The following ATP2A1 variants were observed in gnomAD, a reference collection of about 807,000 sequenced individuals.
ATP2A1 encodes the protein ATPase sarcoplasmic/endoplasmic reticulum Ca2+ transporting 1, also known as sarcoplasmic/endoplasmic reticulum calcium ATPase 1.
A neutral mutation model predicts 109.5 loss-of-function variants in ATP2A1; 83 were observed. That is an observed-to-expected ratio of 0.76 (90% CI 0.63 to 0.91). ATP2A1 has a LOEUF of 0.91. Ranked by LOEUF, ATP2A1 falls within the 40% of genes least tolerant of loss-of-function variation. The pLI is 0.00. For missense variants in ATP2A1, 1,101 were observed against 1,341.0 expected (o/e 0.82, Z 2.80); for synonymous variants, 505 against 537.6 (o/e 0.94, Z 0.84).
At position 28,878,518 on chromosome 16, in the gene ATP2A1, A is replaced by G; in HGVS notation, c.-154A>G. 1 of 739,038 alleles carries G rather than the reference A, an allele frequency of 1.4e-6. No homozygotes were observed. 45.8% of individuals were successfully genotyped at this position (739,038 alleles called of 1,614,324 possible). A position where few individuals can be genotyped will look rare whatever the true frequency, so the allele number is the denominator to read the frequency against. On this transcript the variant is annotated 5_prime_UTR_variant, in exon 1 of 23. Transcript: ENST00000395503. The stretch of plus-strand genomic sequence containing the variant: ...GCTGCTCAAGTGGGACGGGGGTCAG[A>G]GCTTTGTGGAGGGAAGAAAAACCTG...
Position 28,902,638 on chromosome 16 carries a change from T to C in ATP2A1, c.2583T>C (p.Asp861=), listed in dbSNP as rs77346383. 1.2e-6 allele frequency: 2 copies of C among 1,613,966 alleles called. No individual in the cohort carries two copies. The highest frequency in any genetic ancestry group is 2.7e-5 in the African/African-American group (2 of 74,974). Residue 861 remains aspartate, a synonymous_variant, in exon 18 of 23, where the codon GAT becomes GAC. Coordinates refer to ENST00000395503, the MANE Select transcript of ATP2A1 (RefSeq NM_004320.6). This position sits in a 1 kb window ranked among gnomAD's most constrained non-coding sequence, Gnocchi z 4.8. ...AAAWWFLYAE[D]GPHVNYSQLT... Reference sequence around the variant, plus strand: ...CCTGGTGGTTCCTGTACGCTGAGGATGGGCCTCATGTCAACTACAGCCAGC... The same window carrying C: ...CCTGGTGGTTCCTGTACGCTGAGGACGGGCCTCATGTCAACTACAGCCAGC...
chr16:28,900,933 A>C lies in ATP2A1; in HGVS notation c.2100+17A>C. The C allele has an allele frequency of 1.2e-6, 2 of 1,613,870 alleles. No homozygotes were observed. The highest frequency in any genetic ancestry group is 2.2e-5 in the South Asian group (2 of 91,080). On this transcript the variant is annotated intron_variant, in intron 15 of 22. Transcript: ENST00000395503. The stretch of plus-strand genomic sequence containing the variant: ...ACAGCCATGGTGAGAGGGCCCAGGC[A>C]GCTGCAGCCTTAGTGTCCACGGAGA...
At position 28,894,551 on chromosome 16, in the gene ATP2A1, GT is replaced by G. The variant is rs758179771; in HGVS notation, c.1232del (p.Val411GlyfsTer42). 6.2e-7 allele frequency: 1 copy of G among 1,614,120 alleles called. No individual in the cohort carries two copies. The highest frequency in any genetic ancestry group is 1.1e-5 in the South Asian group (1 of 91,072). On this transcript the variant is annotated frameshift_variant, in exon 11 of 23. Transcript: ENST00000395503. LOFTEE classifies it high-confidence loss of function. The part of the protein sequence containing the change: ...PVRPGQYDGL[V>X]ELATICALCN... Reference sequence around the variant, plus strand: ...CCGGCCAGGGCAGTATGACGGGCTGGTGGAGCTGGCCACCATCTGTGCCCTC... The same window carrying G: ...CCGGCCAGGGCAGTATGACGGGCTGGGGAGCTGGCCACCATCTGTGCCCTC...
chr16:28,897,908 A>G, intron 12 of ATP2A1, 92 bp from the exon 13 acceptor site: 4 of 1,502,002 alleles, frequency 2.7e-6, no homozygotes, highest in Non-Finnish European at 3.7e-6. Flanking sequence ...ACTTAGTGTT[A>G]GTCTCAGCCT....
In ATP2A1 at chr16:28,894,152, C is replaced by G; in HGVS notation, c.1096-3C>G. The G allele has an allele frequency of 1.2e-6, 2 of 1,613,682 alleles. No individual in the cohort carries two copies. The highest frequency in any genetic ancestry group is 1.7e-6 in the Non-Finnish European group (2 of 1,179,734). ...TCTGTGTGCCTGCCCTTCTCCCCTG[C>G]AGATGTTTATCATTGACAAGGTGGA... On this transcript the variant is annotated splice_region_variant and splice_polypyrimidine_tract_variant and intron_variant, in intron 9 of 22. Coordinates refer to ENST00000395503, the MANE Select transcript of ATP2A1 (RefSeq NM_004320.6).
At chr16:28,891,017 T>C (rs954440762) in intron 9 of ATP2A1, among the ~76,000 whole-genome samples, 2 of 151,888 alleles carry the variant, frequency 1.3e-5, no homozygotes, top group Non-Finnish European at 1.5e-5. Flanking sequence ...CATAGGAAGC[T>C]GGGCACGGTG....
chr16:28,878,771 G>T lies in ATP2A1; in HGVS notation c.100G>T (p.Glu34Ter), dbSNP rs141559558. Reference sequence around the variant, plus strand: ...CCCGGACCAAGTTAAGCGGAATCTGGAGAAATACGGCCTCAATGGTAAGTG... The same window carrying T: ...CCCGGACCAAGTTAAGCGGAATCTGTAGAAATACGGCCTCAATGGTAAGTG... ...LTPDQVKRNL[E>*]KYGLNELPAE... The change falls in exon 1 of 23, where the codon GAG becomes TAG. Residue 34 changes from glutamate (E) to a stop codon, truncating the protein, a stop_gained. Coordinates refer to ENST00000395503, the MANE Select transcript of ATP2A1 (RefSeq NM_004320.6). LOFTEE classifies it high-confidence loss of function. The T allele has an allele frequency of 7.6e-5, 122 of 1,613,902 alleles. No homozygotes were observed. The highest frequency in any genetic ancestry group is 1.0e-4 in the Non-Finnish European group (119 of 1,179,966).
At chr16:28,890,537 C>T (rs1420071535) in intron 9 of ATP2A1, among the ~76,000 whole-genome samples, 1 of 151,280 alleles carries the variant, frequency 6.6e-6, no homozygotes, top group East Asian at 2.0e-4. Context: ...CGCCTGTAAT[C>T]CTAGCACTTT....
At chr16:28,890,516 A>G (rs1339255500) in intron 9 of ATP2A1, among the ~76,000 whole-genome samples, 1 of 151,082 alleles carries the variant, frequency 6.6e-6, no homozygotes, top group East Asian at 2.0e-4. Context: ...AGGGCTAGGT[A>G]CGGTGGCTCA....
chr16:28,903,643 GC>G lies in ATP2A1; in HGVS notation c.2981-52del. 7.0e-7 allele frequency: 1 copy of G among 1,429,768 alleles called. No homozygotes were observed. The highest frequency in any genetic ancestry group is 9.9e-7 in the Non-Finnish European group (1 of 1,012,688). 88.6% of individuals were successfully genotyped at this position (1,429,768 alleles called of 1,614,324 possible). On this transcript the variant is annotated intron_variant, in intron 21 of 22. Transcript: ENST00000395503. The surrounding 1 kb of genome is among the most constrained non-coding windows in gnomAD (Gnocchi z 5.6). ...CTCCTCAGCCCCCACAGCCCCTATA[GC>G]CCCCATGCCACCTCCCTGCCTTGAT...
rs1372535766 is a variant in ATP2A1 at position 28,904,329 on chromosome 16, C to G, written c.*187C>G. 5.7e-6 allele frequency: 9 copies of G among 1,575,922 alleles called. No homozygotes were observed. Among genetic ancestry groups the G allele is most frequent in the Non-Finnish European group, 7.7e-6 (9 of 1,165,088 alleles). ...GTCTGTTTATAAACATGTCCCCTTC[C>G]CTTTCCTTCCCCCTCGGCCACCCGC... On this transcript the variant is annotated 3_prime_UTR_variant, in exon 23 of 23. Transcript: ENST00000395503.
At position 28,894,930 on chromosome 16, in the gene ATP2A1, G is replaced by C; in HGVS notation, c.1396G>C (p.Glu466Gln). Reference sequence around the variant, plus strand: ...GGATGTGAGAAGCCTCTCGAAGGTGGAGAGAGCCAACGCCTGCAACTCGGT... The same window carrying C: ...GGATGTGAGAAGCCTCTCGAAGGTGCAGAGAGCCAACGCCTGCAACTCGGT... Reference protein sequence around the residue: ...NTDVRSLSKVERANACNSVIR... With the variant: ...NTDVRSLSKVQRANACNSVIR... Residue 466 changes from glutamate (E) to glutamine (Q), a missense_variant, in exon 12 of 23, where the codon GAG becomes CAG. By Grantham distance (29) the Glu-to-Gln change is conservative (BLOSUM62 2). Transcript: ENST00000395503. The C allele has an allele frequency of 6.2e-7, 1 of 1,612,394 alleles. No homozygotes were observed. Among genetic ancestry groups the C allele is most frequent in the African/African-American group, 1.3e-5 (1 of 75,050 alleles).
chr16:28,887,284 C>T lies in ATP2A1; in HGVS notation c.630+10C>T. The T allele has an allele frequency of 6.2e-7, 1 of 1,613,852 alleles. No individual in the cohort carries two copies. Among genetic ancestry groups the T allele is most frequent in the Non-Finnish European group, 8.5e-7 (1 of 1,179,912 alleles). On this transcript the variant is annotated intron_variant, in intron 7 of 22. Coordinates refer to ENST00000395503, the MANE Select transcript of ATP2A1 (RefSeq NM_004320.6). ...GAACATGCTTTTCTCGGTGAGCAAT[C>T]CGGGACCAGCCATCACACACTCAGT...
chr16:28,900,730 A>G lies in ATP2A1; in HGVS notation c.1914A>G (p.Arg638=). The G allele has an allele frequency of 6.2e-7, 1 of 1,614,162 alleles. No individual in the cohort carries two copies. Among genetic ancestry groups the G allele is most frequent in the Non-Finnish European group, 8.5e-7 (1 of 1,180,010 alleles). ...NKGTAIAICR[R]IGIFGENEEV... ...GCACAGCCATTGCCATCTGCCGGCG[A>G]ATTGGCATCTTTGGGGAGAACGAGG... The change falls in exon 15 of 23, where the codon CGA becomes CGG. Residue 638 remains arginine (R), a synonymous_variant. Transcript: ENST00000395503.
chr16:28,894,411 C>A, intron 10 of ATP2A1, 94 bp from the exon 11 acceptor site: 4 of 1,347,808 alleles, frequency 3.0e-6, no homozygotes, highest in Non-Finnish European at 4.2e-6. Context: ...CCTTCCTTAC[C>A]CTCTGCTGCC....
At chr16:28,893,655 G>GTTTTTTTTTTTTTTTTTT (rs11304796) in intron 9 of ATP2A1, among the ~76,000 whole-genome samples, 1 of 111,996 alleles carries the variant, frequency 8.9e-6, no homozygotes, top group African/African-American at 3.6e-5. Context: ...GTTTTTTTTT[G>GTTTTTTTTTTTTTTTTTT]TTTTTTTTTT....
rs776242296 is a variant in ATP2A1 at position 28,900,929 on chromosome 16, AG to A, written c.2100+15del. ...GATCACAGCCATGGTGAGAGGGCCC[AG>A]GCAGCTGCAGCCTTAGTGTCCACGG... is the stretch of plus-strand genomic sequence containing the variant. On this transcript the variant is annotated intron_variant, in intron 15 of 22. Transcript: ENST00000395503. 2.7e-5 allele frequency: 44 copies of A among 1,613,848 alleles called. No individual in the cohort carries two copies. The highest frequency in any genetic ancestry group is 3.1e-5 in the Non-Finnish European group (36 of 1,179,906).
chr16:28,882,668 C>T (rs1411549236), intron 5 of ATP2A1, 79 bp downstream of exon 5: 45 of 1,577,662 alleles, frequency 2.9e-5, no homozygotes, highest in Admixed American at 3.7e-5. Context: ...TGGTCAGGCT[C>T]GGATCCAGGT....
chr16:28,880,014 T>C lies in ATP2A1; in HGVS notation c.219+431T>C. 2 of 1,009,606 alleles carry C rather than the reference T, an allele frequency of 2.0e-6. No individual in the cohort carries two copies. The highest frequency in any genetic ancestry group is 4.2e-5 in the South Asian group (1 of 23,876). The allele number at this position is 1,009,606 out of a possible 1,614,324, so 62.5% of individuals were successfully genotyped here. A position where few individuals can be genotyped will look rare whatever the true frequency, so the allele number is the denominator to read the frequency against. On this transcript the variant is annotated intron_variant, in intron 3 of 22. Transcript: ENST00000395503. This position sits in a 1 kb window ranked among gnomAD's most constrained non-coding sequence, Gnocchi z 4.2. ...CCCGCCCTCCCCAGCCTCCTGACGC[T>C]GATTGGTCGAGGGGAGGACTCGCTC...
Sources: gnomAD v4.1 joint callset for allele counts (sites outside exome capture counted in the v4.1 genomes callset) on GRCh38, gnomAD v4.1.1 for gene constraint, Gnocchi (gnomAD v3.1) non-coding constraint, MANE v1.5 for transcripts, NCBI Gene and HGNC (gene_info 2026-07-23, HGNC 2026-07-21) for gene names.